DDX10: variants seen among roughly 807,000 people sequenced by gnomAD.
DDX10 encodes the protein DEAD-box helicase 10.
A neutral mutation model predicts 104.3 loss-of-function variants in DDX10; 74 were observed. The observed-to-expected ratio is 0.71, with a 90% CI of 0.59 to 0.86. The LOEUF is 0.86. Among genes scored for constraint, DDX10 ranks in the 40% least tolerant of loss-of-function variants. The probability of loss-of-function intolerance (pLI) is 0.00; values close to 1 mark genes in which losing one functional copy is unlikely to be tolerated. For synonymous variants in DDX10, 351 were observed against 353.4 expected (o/e 0.99, Z 0.08); for missense variants, 952 against 1,040.0 (o/e 0.92, Z 1.16).
intron 13 of DDX10, among the ~76,000 whole-genome samples, chr11:108,725,147 A>G (rs1455371994): frequency 6.6e-6 from 1 of 152,010 alleles, no homozygotes; most frequent in African/African-American, 2.4e-5. Flanking sequence ...TATTGCATGC[A>G]TCAGTAGTTT....
chr11:108,777,089 A>G (rs2094370891), intron 13 of DDX10, among the ~76,000 whole-genome samples: 1 of 152,200 alleles, frequency 6.6e-6, no homozygotes, highest in African/African-American at 2.4e-5. Flanking sequence ...GCAACAGAAA[A>G]CTAACACAAC....
intron 13 of DDX10, among the ~76,000 whole-genome samples, chr11:108,768,270 G>A (rs1490488266): frequency 2.0e-5 from 3 of 152,060 alleles, no homozygotes; most frequent in Admixed American, 1.3e-4. Context: ...GTTGTTCAAG[G>A]GTCAGCTGTG....
At chr11:108,934,602 C>T (rs1396547916) in intron 17 of DDX10, among the ~76,000 whole-genome samples, 1 of 152,068 alleles carries the variant, frequency 6.6e-6, no homozygotes, top group African/African-American at 2.4e-5. Context: ...TGGGAAGGTA[C>T]AATCAGGGAG....
At chr11:108,738,951 G>C (rs137916511) in intron 13 of DDX10, among the ~76,000 whole-genome samples, 1 of 152,194 alleles carries the variant, frequency 6.6e-6, no homozygotes, top group African/African-American at 2.4e-5. Flanking sequence ...TTGTGTCCTA[G>C]GTGTAAAAGC....
chr11:108,671,886 C>T (rs566386654), intron 1 of DDX10, among the ~76,000 whole-genome samples: 6 of 151,826 alleles, frequency 4.0e-5, no homozygotes, highest in East Asian at 3.9e-4. Flanking sequence ...GATGAAACCC[C>T]GTCTCTACTA....
intron 15 of DDX10, among the ~76,000 whole-genome samples, chr11:108,848,241 G>A (rs1258406655): frequency 9.2e-5 from 14 of 152,274 alleles, no homozygotes; most frequent in Non-Finnish European, 1.5e-5. Context: ...AGCTAGATAT[G>A]TACATATACT....
intron 13 of DDX10, among the ~76,000 whole-genome samples, chr11:108,815,548 C>G (rs1257078267): frequency 6.6e-6 from 1 of 152,114 alleles, no homozygotes; most frequent in Non-Finnish European, 1.5e-5. Context: ...CCATATTGTT[C>G]AAGGGTCAAC....
intron 13 of DDX10, among the ~76,000 whole-genome samples, chr11:108,821,727 TA>T (rs1050474199): frequency 2.6e-5 from 4 of 152,118 alleles, no homozygotes; most frequent in African/African-American, 9.7e-5. Context: ...AGCGCTTTTT[TA>T]AAAAAATGTG....
intron 1 of DDX10, among the ~76,000 whole-genome samples, chr11:108,671,130 AT>A (rs775178605): frequency 6.6e-6 from 1 of 152,076 alleles, no homozygotes; most frequent in African/African-American, 2.4e-5. Flanking sequence ...GATGTAAGTG[AT>A]TTTTCCCCCC....
intron 16 of DDX10, among the ~76,000 whole-genome samples, chr11:108,885,591 T>A (rs1863286155): frequency 6.6e-6 from 1 of 151,966 alleles, no homozygotes; most frequent in South Asian, 2.1e-4. Flanking sequence ...GCCAGGCTGG[T>A]CTAGAATTCC....
chr11:108,856,523 A>G (rs1862872938), intron 16 of DDX10, among the ~76,000 whole-genome samples: 1 of 152,048 alleles, frequency 6.6e-6, no homozygotes. Flanking sequence ...TGGACTTGAG[A>G]GATGCCCTGG....
At chr11:108,672,063 A>AG (rs2094217831) in intron 1 of DDX10, among the ~76,000 whole-genome samples, 1 of 36,526 alleles carries the variant, frequency 2.7e-5, no homozygotes, top group Non-Finnish European at 9.5e-5. Context: ...TCCATCTCGG[A>AG]AAAAAAAAAA....
At chr11:108,838,860 C>A (rs906323522) in intron 14 of DDX10, among the ~76,000 whole-genome samples, 16 of 152,124 alleles carry the variant, frequency 1.1e-4, no homozygotes, top group African/African-American at 3.9e-4. Context: ...ACATTATGTT[C>A]TATGGAACAG....
intron 15 of DDX10, among the ~76,000 whole-genome samples, chr11:108,845,823 T>C (rs1303514457): frequency 6.6e-6 from 1 of 152,214 alleles, no homozygotes; most frequent in Non-Finnish European, 1.5e-5. Context: ...ATTTAATATG[T>C]AAGTGAATTT....
chr11:108,667,197 C>T (rs1177860154), intron 1 of DDX10, among the ~76,000 whole-genome samples: 1 of 152,144 alleles, frequency 6.6e-6, no homozygotes, highest in African/African-American at 2.4e-5. Flanking sequence ...CAATTGTTCC[C>T]TTGTAATACA....
intron 15 of DDX10, among the ~76,000 whole-genome samples, chr11:108,843,051 T>C (rs1481358261): frequency 6.6e-6 from 1 of 152,236 alleles, no homozygotes; most frequent in Non-Finnish European, 1.5e-5. Context: ...ACAGTGTTAA[T>C]GTTTGCTAGG....
At chr11:108,869,861 C>T (rs2134622126) in intron 16 of DDX10, among the ~76,000 whole-genome samples, 1 of 152,238 alleles carries the variant, frequency 6.6e-6, no homozygotes, top group South Asian at 2.1e-4. Flanking sequence ...CATTCTTTCA[C>T]TTGCTCAGGA....
At chr11:108,734,410 A>G (rs530097405) in intron 13 of DDX10, among the ~76,000 whole-genome samples, 26 of 152,114 alleles carry the variant, frequency 1.7e-4, no homozygotes, top group Middle Eastern at 3.2e-3. Context: ...CTTTGTTCCA[A>G]TTCAAAAGGA....
At position 108,747,444 on chromosome 11, in the gene DDX10, A is replaced by T. The variant is rs1394157189; in HGVS notation, c.1965+23982A>T. On this transcript the variant is annotated intron_variant, in intron 13 of 17. Coordinates refer to ENST00000322536, the MANE Select transcript of DDX10 (RefSeq NM_004398.4). The stretch of plus-strand genomic sequence containing the variant: ...TAGCATGGGATGGAAGAGTTTTGAC[A>T]TGATCATTGCTTATTTTCCATTTCT... Among the ~76,000 whole-genome samples, 3 of 152,124 alleles carry T rather than the reference A, an allele frequency of 2.0e-5. No homozygotes were observed. In the East Asian group the frequency reaches 5.8e-4, roughly 29 times the overall value.
Sources: gnomAD v4.1 joint callset for allele counts (sites outside exome capture counted in the v4.1 genomes callset) on GRCh38, gnomAD v4.1.1 for gene constraint, MANE v1.5 for transcripts, NCBI Gene and HGNC (gene_info 2026-07-23, HGNC 2026-07-21) for gene names.